KIAA1328: variants seen among roughly 807,000 people sequenced by gnomAD.
The protein encoded by KIAA1328 is KIAA1328.
KIAA1328 carries 52 observed loss-of-function variants against 68.1 expected under a neutral mutation model. The ratio of observed to expected loss-of-function variants is 0.76; its 90% confidence interval spans 0.61 to 0.96. The LOEUF (loss-of-function observed/expected upper bound fraction) is 0.96, where lower values mean the gene tolerates loss of function less well. Among genes scored for constraint, KIAA1328 ranks in the 40% least tolerant of loss-of-function variants. The pLI is 0.00. For synonymous variants in KIAA1328, 232 were observed against 239.4 expected, an observed-to-expected ratio of 0.97 and a Z score of 0.28; for missense variants, 641 against 677.6, an observed-to-expected ratio of 0.95 and a Z score of 0.60.
rs907795447 is a variant in KIAA1328, at chr18:36,849,080, G to T, written c.332+4778G>T. 1.1e-4 allele frequency among the ~76,000 whole-genome samples: 17 copies of T among 151,700 alleles called. 1 individual carries two copies. Among genetic ancestry groups the T allele is most frequent in the Admixed American group, 6.6e-5 (1 of 15,198 alleles). ...TTACTATTCTAACCAGTTTTTTAGTGTACAGTTCAGTAGTGGTAAGTACAT... is the reference window on the plus strand; with the variant it reads ...TTACTATTCTAACCAGTTTTTTAGTTTACAGTTCAGTAGTGGTAAGTACAT... On this transcript the variant is annotated intron_variant, in intron 4 of 9. Coordinates refer to ENST00000280020, the MANE Select transcript of KIAA1328 (RefSeq NM_020776.3).
intron 7 of KIAA1328, among the ~76,000 whole-genome samples, chr18:37,111,299 T>C (rs1343272046): frequency 2.0e-5 from 3 of 152,234 alleles, no homozygotes; most frequent in Admixed American, 6.5e-5. Context: ...GCCTCAGGTC[T>C]GCCTTTAAGG....
chr18:37,019,036 C>T (rs1385186734), intron 6 of KIAA1328, among the ~76,000 whole-genome samples: 1 of 152,186 alleles, frequency 6.6e-6, no homozygotes, highest in Non-Finnish European at 1.5e-5. Context: ...CTGATTCCTT[C>T]TCATCTGATG....
intron 5 of KIAA1328, among the ~76,000 whole-genome samples, chr18:36,945,373 T>C (rs1210499066): frequency 6.6e-6 from 1 of 152,144 alleles, no homozygotes; most frequent in Non-Finnish European, 1.5e-5. Flanking sequence ...TGGCATTTGC[T>C]GAGTTTAGAC....
chr18:37,202,337 G>A (rs992637820), intron 9 of KIAA1328, among the ~76,000 whole-genome samples: 1 of 152,104 alleles, frequency 6.6e-6, no homozygotes, highest in Non-Finnish European at 1.5e-5. Context: ...TATTGGGTTG[G>A]TAATCTTTGT....
At chr18:37,171,919 GAACA>G (rs2059507243) in intron 8 of KIAA1328, among the ~76,000 whole-genome samples, 2 of 152,056 alleles carry the variant, frequency 1.3e-5, no homozygotes, top group African/African-American at 2.4e-5. Context: ...ATAAACAAAC[GAACA>G]AACAGAGTAG....
chr18:36,909,366 A>G (rs1304392613), intron 5 of KIAA1328, among the ~76,000 whole-genome samples: 1 of 146,628 alleles, frequency 6.8e-6, no homozygotes, highest in Non-Finnish European at 1.5e-5. Context: ...CCCACCTATG[A>G]ATGAGAACAT....
chr18:37,078,763 A>C (rs1403454145), intron 7 of KIAA1328, among the ~76,000 whole-genome samples: 1 of 151,346 alleles, frequency 6.6e-6, no homozygotes, highest in African/African-American at 2.4e-5. Context: ...AGAGATGCAA[A>C]TCAAAACCAC....
intron 8 of KIAA1328, among the ~76,000 whole-genome samples, chr18:37,163,035 T>C (rs936839722): frequency 1.3e-5 from 2 of 152,204 alleles, no homozygotes; most frequent in African/African-American, 4.8e-5. Context: ...AGGGAGATAA[T>C]ACTTGGGAAA....
Position 37,223,728 on chromosome 18 carries a change from C to G in KIAA1328, c.*1501C>G, listed in dbSNP as rs919449181. The G allele has an allele frequency of 1.3e-4, 128 of 985,342 alleles. No individual in the cohort carries two copies. Among genetic ancestry groups the G allele is most frequent in the Non-Finnish European group, 1.5e-4 (122 of 829,900 alleles). The allele number at this position is 985,342 out of a possible 1,614,324, so 61.0% of individuals were successfully genotyped here. ...ACTAGATTATTTCAATCTAGAAAAG[C>G]CTTGTTGAGCAGCCTCCTTATCCAG... On this transcript the variant is annotated 3_prime_UTR_variant, in exon 10 of 10. Transcript: ENST00000280020.
chr18:37,218,259 TATCTCTTTGAGC>T (rs2060486096), intron 9 of KIAA1328, among the ~76,000 whole-genome samples: 1 of 152,236 alleles, frequency 6.6e-6, no homozygotes, highest in Non-Finnish European at 1.5e-5. Flanking sequence ...TTTGTGTTGT[TATCTCTTTGAGC>T]AAAACCCTGG....
chr18:36,910,880 T>C (rs911340445), intron 5 of KIAA1328, among the ~76,000 whole-genome samples: 1 of 152,114 alleles, frequency 6.6e-6, no homozygotes, highest in African/African-American at 2.4e-5. Flanking sequence ...CTCTTGCTTT[T>C]CTGTCATCGT....
intron 5 of KIAA1328, among the ~76,000 whole-genome samples, chr18:36,958,591 A>G (rs1442091232): frequency 6.6e-6 from 1 of 152,134 alleles, no homozygotes; most frequent in African/African-American, 2.4e-5. Flanking sequence ...CCTAATGGCT[A>G]TGTTGAGTAT....
At chr18:37,131,337 A>T (rs544190012) in intron 7 of KIAA1328, among the ~76,000 whole-genome samples, 1 of 152,260 alleles carries the variant, frequency 6.6e-6, no homozygotes, top group Admixed American at 6.5e-5. Context: ...GTATGTGCCA[A>T]TGATGGCTGA....
At chr18:36,884,532 A>G (rs964141573) in intron 4 of KIAA1328, among the ~76,000 whole-genome samples, 1 of 152,210 alleles carries the variant, frequency 6.6e-6, no homozygotes, top group South Asian at 2.1e-4. Context: ...TGATTTCAAT[A>G]TCTCTAACAG....
chr18:36,944,199 T>C (rs1287665994), intron 5 of KIAA1328, among the ~76,000 whole-genome samples: 2 of 152,204 alleles, frequency 1.3e-5, no homozygotes, highest in East Asian at 3.8e-4. Flanking sequence ...TAGAACCTCA[T>C]GTCATACTGT....
At chr18:37,059,168 A>G (rs1277454470) in intron 6 of KIAA1328, among the ~76,000 whole-genome samples, 2 of 152,110 alleles carry the variant, frequency 1.3e-5, no homozygotes, top group African/African-American at 2.4e-5. Context: ...TGGTAATTAT[A>G]ATAACTACCT....
intron 5 of KIAA1328, among the ~76,000 whole-genome samples, chr18:36,910,993 C>T (rs1371110637): frequency 6.6e-6 from 1 of 152,014 alleles, no homozygotes; most frequent in Non-Finnish European, 1.5e-5. Flanking sequence ...CCCCAAAGCT[C>T]CCCTTGTACC....
rs182829119 is a variant in KIAA1328, at chr18:36,955,319, T to C, written c.449-3989T>C. ...ATTTTCCTGGTTTTTCTTTTCTTTTTTTTTTTTTTTTTGATGGAGTCTCAC... is the reference window on the plus strand; with the variant it reads ...ATTTTCCTGGTTTTTCTTTTCTTTTCTTTTTTTTTTTTGATGGAGTCTCAC... On this transcript the variant is annotated intron_variant, in intron 5 of 9. Transcript: ENST00000280020. Among the ~76,000 whole-genome samples the C allele has an allele frequency of 7.3e-3, 1,096 of 149,502 alleles. 7 individuals are homozygous for C. Among genetic ancestry groups the C allele is most frequent in the Middle Eastern group, 0.017 (5 of 290 alleles).
chr18:37,157,115 G>A (rs138125693), intron 7 of KIAA1328, among the ~76,000 whole-genome samples: 1 of 152,118 alleles, frequency 6.6e-6, no homozygotes, highest in East Asian at 1.9e-4. Flanking sequence ...TAACAAGCAA[G>A]ACTGTTCAAA....
Sources: gnomAD v4.1 joint callset for allele counts (sites outside exome capture counted in the v4.1 genomes callset) on GRCh38, gnomAD v4.1.1 for gene constraint, MANE v1.5 for transcripts, NCBI Gene and HGNC (gene_info 2026-07-23, HGNC 2026-07-21) for gene names.